Variants in RNF114 observed in about 807,000 individuals in gnomAD.
RNF114 encodes E3 ubiquitin-protein ligase RNF114.
A neutral mutation model predicts 28.4 loss-of-function variants in RNF114; 6 were observed. The ratio of observed to expected loss-of-function variants is 0.21; its 90% CI spans 0.12 to 0.42. The LOEUF (loss-of-function observed/expected upper bound fraction) is 0.42, where lower values mean the gene tolerates loss of function less well. RNF114 is among the 10% of genes least tolerant of loss of function. The probability of loss-of-function intolerance (pLI) is 1.00; values close to 1 mark genes in which losing one functional copy is unlikely to be tolerated. For synonymous variants in RNF114, 115 were observed against 116.7 expected, an observed-to-expected ratio of 0.99 and a Z score of 0.09; for missense variants, 249 against 311.7, an observed-to-expected ratio of 0.80 and a Z score of 1.51.
intron 5 of RNF114, among the ~76,000 whole-genome samples, chr20:49,950,102 A>G (rs2090349699): frequency 6.6e-6 from 1 of 152,012 alleles, no homozygotes; most frequent in South Asian, 2.1e-4. Context: ...ATACAAAAAA[A>G]TTAGCCAGGT....
At chr20:49,939,052 C>T (rs2090297621) in intron 1 of RNF114, among the ~76,000 whole-genome samples, 1 of 152,176 alleles carries the variant, frequency 6.6e-6, no homozygotes, top group African/African-American at 2.4e-5. Flanking sequence ...TTGTGTGTGG[C>T]GTGATCTTGG....
At chr20:49,943,144 AT>A (rs1211868092) in intron 2 of RNF114, among the ~76,000 whole-genome samples, 1 of 152,068 alleles carries the variant, frequency 6.6e-6, no homozygotes, top group Non-Finnish European at 1.5e-5. Context: ...AGTATTAGGG[AT>A]GCATAGTAGG....
intron 5 of RNF114, among the ~76,000 whole-genome samples, chr20:49,951,857 A>G (rs2090356336): frequency 6.6e-6 from 1 of 152,228 alleles, no homozygotes; most frequent in South Asian, 2.1e-4. Context: ...CCAGCCTGGC[A>G]ACAGAGCGAG....
intron 1 of RNF114, among the ~76,000 whole-genome samples, chr20:49,937,492 C>T (rs1175574079): frequency 6.6e-6 from 1 of 152,116 alleles, no homozygotes; most frequent in African/African-American, 2.4e-5. Context: ...GGAGGGTTGG[C>T]AGCCATTTTA....
chr20:49,948,536 C>T (rs1317264509), intron 4 of RNF114, among the ~76,000 whole-genome samples: 3 of 151,576 alleles, frequency 2.0e-5, no homozygotes, highest in African/African-American at 7.3e-5. Flanking sequence ...TTCCAGGGTT[C>T]AAGCGATTCT....
chr20:49,949,350 T>G lies in RNF114; in HGVS notation c.616T>G (p.Phe206Val). 6.2e-7 allele frequency: 1 copy of G among 1,613,400 alleles called. No homozygotes were observed. The highest frequency in any genetic ancestry group is 8.5e-7 in the Non-Finnish European group (1 of 1,179,780). The change falls in exon 5 of 6, where the codon TTT becomes GTT. Residue 206 changes from phenylalanine (F) to valine (V), a missense_variant. Physicochemically the swap from Phe to Val is conservative, Grantham distance 50. Around this residue, in one of 2 missense-constraint regions of RNF114, gnomAD observed 126 missense variants for 205.3 expected, o/e 0.61. Transcript: ENST00000244061. ...CCGGCACCGGTTTTCTTATGACACTTTTGTGGTAAGTCTGGAGCCTGGGCT... is the reference window on the plus strand; with the variant it reads ...CCGGCACCGGTTTTCTTATGACACTGTTGTGGTAAGTCTGGAGCCTGGGCT... ...QRRHRFSYDT[F>V]VDYDVDEEDM... is the part of the protein sequence containing the mutation.
intron 1 of RNF114, among the ~76,000 whole-genome samples, chr20:49,938,184 A>C (rs2090294836): frequency 6.6e-6 from 1 of 152,222 alleles, no homozygotes; most frequent in South Asian, 2.1e-4. Context: ...GATTTCATTT[A>C]CTATTAACAT....
chr20:49,945,478 C>G lies in RNF114; in HGVS notation c.388C>G (p.Leu130Val). ...GAAGGCCACCATTAAGGATGCATCT[C>G]TTCAGCCAAGGTAAATGACTCAGTC... ...GVKATIKDAS[L>V]QPRNVPNRYT... Residue 130 changes from leucine (L) to valine (V), a missense_variant, in exon 3 of 6, where the codon CTT becomes GTT. By Grantham distance (32) the Leu-to-Val change is conservative. Around this residue, in one of 2 missense-constraint regions of RNF114, gnomAD observed 126 missense variants for 205.3 expected, o/e 0.61. Coordinates refer to ENST00000244061, the MANE Select transcript of RNF114 (RefSeq NM_018683.4). The G allele has an allele frequency of 1.9e-6, 3 of 1,601,210 alleles. No homozygotes were observed. The highest frequency in any genetic ancestry group is 2.6e-6 in the Non-Finnish European group (3 of 1,168,300).
intron 1 of RNF114, among the ~76,000 whole-genome samples, chr20:49,938,708 A>G (rs2090296440): frequency 1.3e-5 from 2 of 152,220 alleles, no homozygotes; most frequent in Admixed American, 1.3e-4. Flanking sequence ...AAGCCATCCC[A>G]GGATATTTGA....
rs2146862045 is a variant in RNF114, at chr20:49,952,945, A to T, written c.*804A>T. 6.5e-6 allele frequency: 1 copy of T among 152,682 alleles called. No individual in the cohort carries two copies. Among genetic ancestry groups the T allele is most frequent in the South Asian group, 2.1e-4 (1 of 4,832 alleles). The allele number at this position is 152,682 out of a possible 1,614,324, so 9.5% of individuals were successfully genotyped here. A position where few individuals can be genotyped will look rare whatever the true frequency, so the allele number is the denominator to read the frequency against. The stretch of plus-strand genomic sequence containing the variant: ...ACAAATTAATGAAGTAGTTTCAAAC[A>T]ACGCGGTCATGTTTACCTCTCCATT... On this transcript the variant is annotated 3_prime_UTR_variant, in exon 6 of 6. Transcript: ENST00000244061.
chr20:49,946,220 A>C lies in RNF114; in HGVS notation c.483A>C (p.Lys161Asn). ...FDQEGLVEHC[K>N]LFHSTDTKSV... ...AGGAAGGACTTGTGGAACACTGCAA[A>C]TTATTCCATAGCACGGATACCAAAT... Residue 161 changes from lysine to asparagine, a missense_variant, in exon 4 of 6, where the codon AAA becomes AAC. By Grantham distance (94) the Lys-to-Asn change is moderately conservative (BLOSUM62 0). Transcript: ENST00000244061. 6.2e-7 allele frequency: 1 copy of C among 1,602,442 alleles called. No homozygotes were observed.
chr20:49,944,041 T>G (rs970042456), intron 2 of RNF114: 1 of 151,832 alleles, frequency 6.6e-6, no homozygotes, highest in Admixed American at 6.6e-5. Flanking sequence ...TCATCTTTAT[T>G]TATGCATGCA....
intron 1 of RNF114, among the ~76,000 whole-genome samples, chr20:49,937,297 C>G (rs2090291110): frequency 6.6e-6 from 1 of 152,196 alleles, no homozygotes; most frequent in Admixed American, 6.6e-5. Flanking sequence ...TTCCATCAGA[C>G]GCACAAACAC....
At chr20:49,947,331 C>T (rs2090336748) in intron 4 of RNF114, among the ~76,000 whole-genome samples, 1 of 148,870 alleles carries the variant, frequency 6.7e-6, no homozygotes, top group South Asian at 2.2e-4. Context: ...TGTATACTTC[C>T]TCTATAGTTT....
chr20:49,951,737 G>A (rs1357941035), intron 5 of RNF114, among the ~76,000 whole-genome samples: 1 of 152,202 alleles, frequency 6.6e-6, no homozygotes, highest in Non-Finnish European at 1.5e-5. Flanking sequence ...AATTAGCTGG[G>A]CATGGTGGCG....
chr20:49,949,396 G>A (rs1245723072), intron 5 of RNF114, 41 bp downstream of exon 5: 33 of 1,513,962 alleles, frequency 2.2e-5, no homozygotes, highest in Non-Finnish European at 2.5e-5. Context: ...CCCTGGGGGA[G>A]TGGCACGGCT....
chr20:49,943,833 T>TATATATACAC (rs769534499), intron 2 of RNF114: 2 of 122,960 alleles, frequency 1.6e-5, no homozygotes, highest in Admixed American at 8.9e-5. Flanking sequence ...TATATATATA[T>TATATATACAC]ACACACACAC....
At chr20:49,950,195 GAGCCAATATCGTGCCACTGCACTCC>G (rs1041688494) in intron 5 of RNF114, among the ~76,000 whole-genome samples, 9 of 151,702 alleles carry the variant, frequency 5.9e-5, no homozygotes, top group African/African-American at 2.2e-4. Flanking sequence ...AGGTTGCAGT[GAGCCAATATCGTGCCACTGCACTCC>G]AGCCTGGGCA....
chr20:49,945,184 G>T, intron 2 of RNF114, 198 bp from the exon 3 acceptor site: 1 of 506,250 alleles, frequency 2.0e-6, no homozygotes, highest in East Asian at 3.4e-5. Context: ...TGATTTAGTC[G>T]AATAAAATAG....
Sources: gnomAD v4.1 joint callset for allele counts (sites outside exome capture counted in the v4.1 genomes callset) on GRCh38, gnomAD v4.1.1 for gene constraint, gnomAD v4.1.1 regional missense constraint, MANE v1.5 for transcripts, NCBI Gene and HGNC (gene_info 2026-07-23, HGNC 2026-07-21) for gene names.